EIF4A2: variants seen among roughly 807,000 people sequenced by gnomAD.
The protein encoded by EIF4A2 is eukaryotic translation initiation factor 4A2.
In EIF4A2, 9 loss-of-function variants were observed where a neutral mutation model predicts 50.6. The ratio of observed to expected loss-of-function variants is 0.18; its 90% CI spans 0.11 to 0.31. The LOEUF (loss-of-function observed/expected upper bound fraction) is 0.31, where lower values mean the gene tolerates loss of function less well. Ranked by LOEUF, EIF4A2 falls within the 10% of genes least tolerant of loss-of-function variation. The pLI, the probability that EIF4A2 is intolerant of heterozygous loss-of-function variation, is 1.00. For synonymous variants in EIF4A2, 215 were observed against 164.4 expected (o/e 1.31, Z -2.35); for missense variants, 182 against 501.8 (o/e 0.36, Z 6.09).
intron 9 of EIF4A2, 39 bp from the exon 10 acceptor site, chr3:186,787,764 T>G (rs1721830495): frequency 6.2e-7 from 1 of 1,613,934 alleles, no homozygotes; most frequent in South Asian, 1.1e-5. Context: ...GTGTCAAGTT[T>G]TTTTGAATCA....
chr3:186,788,719 TAC>T (rs1721934201), intron 10 of EIF4A2: 3 of 231,172 alleles, frequency 1.3e-5, no homozygotes, highest in South Asian at 5.8e-5. Flanking sequence ...AGCATTTGTT[TAC>T]AGTTTACAGT....
chr3:186,785,281 T>C, intron 4 of EIF4A2, 180 bp downstream of exon 4: 1 of 815,520 alleles, frequency 1.2e-6, no homozygotes, highest in Non-Finnish European at 1.9e-6. Context: ...AGGTATGGTT[T>C]GTAGGGTTGT....
Position 186,789,201 on chromosome 3 carries a change from C to T in EIF4A2, c.1156C>T (p.Arg386Cys), listed in dbSNP as rs1721981951. 6.2e-7 allele frequency: 1 copy of T among 1,613,582 alleles called. No homozygotes were observed. Among genetic ancestry groups the T allele is most frequent in the Non-Finnish European group, 8.5e-7 (1 of 1,179,790 alleles). The part of the protein sequence containing the change: ...FVTEEDKRIL[R>C]DIETFYNTTV... ...TACTGAAGAAGACAAGAGGATTCTT[C>T]GTGACATTGAGACTTTCTACAATAC... is the stretch of plus-strand genomic sequence containing the variant. Residue 386 changes from arginine (R) to cysteine (C), a missense_variant, in exon 11 of 11, where the codon CGT becomes TGT. Physicochemically the swap from Arg to Cys is radical, Grantham distance 180. Transcript: ENST00000323963.
In EIF4A2 at chr3:186,789,375, C is replaced by G; in HGVS notation, c.*106C>G. ...GGAATATTTGAATCTTGTCTCAATG[C>G]TCATAACGGATCAGAAATACAGATT... On this transcript the variant is annotated 3_prime_UTR_variant, in exon 11 of 11. Transcript: ENST00000323963. 1 of 1,432,778 alleles carries G rather than the reference C, an allele frequency of 7.0e-7. No individual in the cohort carries two copies. Among genetic ancestry groups the G allele is most frequent in the Non-Finnish European group, 9.3e-7 (1 of 1,072,668 alleles). The allele number at this position is 1,432,778 out of a possible 1,614,324, so 88.8% of individuals were successfully genotyped here.
intron 4 of EIF4A2, 98 bp downstream of exon 4, chr3:186,785,199 C>T (rs1721617581): frequency 2.0e-6 from 3 of 1,515,922 alleles, no homozygotes; most frequent in Non-Finnish European, 2.7e-6. Context: ...ATTGGTCCTA[C>T]CAGATCCCTC....
rs767653904 is a variant in EIF4A2 at position 186,783,598 on chromosome 3, G to T, written c.-13G>T. 2.5e-6 allele frequency: 4 copies of T among 1,614,012 alleles called. No individual in the cohort carries two copies. Among genetic ancestry groups the T allele is most frequent in the Non-Finnish European group, 3.4e-6 (4 of 1,180,008 alleles). On this transcript the variant is annotated 5_prime_UTR_variant, in exon 1 of 11. Transcript: ENST00000323963. ...CTGTCTTTTCAGTCGGGCGCTGAGT[G>T]GTTTTTCGGATCATGTCTGGTGGCT...
chr3:186,784,321 G>A, intron 1 of EIF4A2, 111 bp from the exon 2 acceptor site: 4 of 1,501,068 alleles, frequency 2.7e-6, no homozygotes, highest in East Asian at 2.3e-5. Context: ...TGCTGCTTTA[G>A]CTTGTGCAGG....
In EIF4A2 at chr3:186,784,074, C is replaced by T. The variant is rs995580605; in HGVS notation, c.30-358C>T. 3 of 436,516 alleles carry T rather than the reference C, an allele frequency of 6.9e-6. No homozygotes were observed. The Admixed American group carries it at 1.2e-4, about 17-fold the overall frequency. 27.0% of individuals were successfully genotyped at this position (436,516 alleles called of 1,614,324 possible). A position where few individuals can be genotyped will look rare whatever the true frequency, so the allele number is the denominator to read the frequency against. ...CCACTCGGCCACGGCGCGGAGGCGA[C>T]GGGACAGGACCGGTGCCGGTGAACC... On this transcript the variant is annotated intron_variant, in intron 1 of 10. Transcript: ENST00000323963.
Position 186,787,240 on chromosome 3 carries a change from C to T in EIF4A2, c.885C>T (p.Ala295=), listed in dbSNP as rs572904172. The part of the protein sequence containing the change: ...KVDWLTEKMH[A]RDFTVSALHG... The stretch of plus-strand genomic sequence containing the variant: ...ACTGGCTGACTGAGAAGATGCATGC[C>T]AGAGACTTCACAGTTTCTGCTCTGG... The change falls in exon 8 of 11, where the codon GCC becomes GCT. Residue 295 remains alanine (A), a synonymous_variant. Coordinates refer to ENST00000323963, the MANE Select transcript of EIF4A2 (RefSeq NM_001967.4). The T allele has an allele frequency of 3.1e-6, 5 of 1,614,098 alleles. No individual in the cohort carries two copies. The highest frequency in any genetic ancestry group is 3.3e-5 in the Admixed American group (2 of 60,008).
intron 10 of EIF4A2, chr3:186,788,899 G>GA (rs1334686820): frequency 5.8e-6 from 3 of 520,234 alleles, no homozygotes; most frequent in Admixed American, 3.9e-5. Context: ...CAAGATGCCT[G>GA]ATAAAAATCT....
chr3:186,786,334 GTTACA>G, intron 6 of EIF4A2, 61 bp downstream of exon 6: 1 of 1,545,436 alleles, frequency 6.5e-7, no homozygotes, highest in East Asian at 2.3e-5. Flanking sequence ...TGCAGGTACT[GTTACA>G]ATACAACTGA....
intron 6 of EIF4A2, 29 bp downstream of exon 6, chr3:186,786,302 G>A (rs747792520): frequency 1.3e-5 from 21 of 1,591,936 alleles, no homozygotes; most frequent in African/African-American, 2.7e-5. Flanking sequence ...CCCTCTTAAA[G>A]GTAGAGATGG....
intron 4 of EIF4A2, chr3:186,785,643 T>C: frequency 6.2e-6 from 3 of 481,096 alleles, no homozygotes; most frequent in Middle Eastern, 5.6e-4. Flanking sequence ...AACGTTATTC[T>C]TGGATTGTCT....
At position 186,786,493 on chromosome 3, in the gene EIF4A2, C is replaced by T. The variant is rs1445325439; in HGVS notation, c.628-9C>T. 5 of 1,610,096 alleles carry T rather than the reference C, an allele frequency of 3.1e-6. No homozygotes were observed. The highest frequency in any genetic ancestry group is 1.3e-5 in the African/African-American group (1 of 74,730). ...AAGTTGTGCTACAACATAATTTTCT[C>T]TTTTTAAGGTTGTGTTGCTTTCTGC... On this transcript the variant is annotated splice_polypyrimidine_tract_variant and intron_variant, in intron 6 of 10. Transcript: ENST00000323963.
At chr3:186,789,057 T>A (rs572270576) in intron 10 of EIF4A2, 68 bp from the exon 11 acceptor site, 5 of 1,522,218 alleles carry the variant, frequency 3.3e-6, no homozygotes, top group African/African-American at 2.8e-5. Context: ...GGTTAACAAG[T>A]GGATCGTCAT....
intron 7 of EIF4A2, chr3:186,786,921 C>T (rs1345741543): frequency 2.2e-6 from 2 of 897,498 alleles, no homozygotes; most frequent in Admixed American, 4.2e-5. Context: ...ATGAGACTGG[C>T]TAAGACTGGC....
chr3:186,783,841 T>A, intron 1 of EIF4A2: 1 of 770,516 alleles, frequency 1.3e-6, no homozygotes, highest in Admixed American at 2.8e-5. Flanking sequence ...AAGCAGTGGC[T>A]AAAGGGCGTT....
At chr3:186,785,704 A>G (rs1721662148) in intron 4 of EIF4A2, 179 bp from the exon 5 acceptor site, 2 of 684,742 alleles carry the variant, frequency 2.9e-6, no homozygotes, top group Non-Finnish European at 4.6e-6. Flanking sequence ...CATAAGAAAG[A>G]CATTAAGGGA....
intron 7 of EIF4A2, 124 bp downstream of exon 7, chr3:186,786,769 G>A: frequency 7.6e-7 from 1 of 1,308,016 alleles, no homozygotes; most frequent in Non-Finnish European, 1.1e-6. Context: ...AAGAAGAAAA[G>A]TAACAGCACT....
Sources: allele counts gnomAD v4.1 joint callset, GRCh38; gene constraint gnomAD v4.1.1; transcripts MANE v1.5; gene names NCBI Gene and HGNC (gene_info 2026-07-23, HGNC 2026-07-21).